Variants in GMDS observed in about 807,000 individuals in gnomAD.
GMDS encodes GDP-mannose 4,6 dehydratase.
Under a neutral mutation model 49.9 loss-of-function variants are expected in GMDS, and 20 were observed. The observed-to-expected ratio is 0.40, with a 90% CI of 0.28 to 0.58. The LOEUF is 0.58. GMDS is among the 20% of genes least tolerant of loss of function. The pLI, the probability that GMDS is intolerant of heterozygous loss-of-function variation, is 0.42. For missense variants in GMDS, 362 were observed against 481.4 expected, an observed-to-expected ratio of 0.75 and a Z score of 2.32; for synonymous variants, 177 against 178.6, an observed-to-expected ratio of 0.99 and a Z score of 0.07.
intron 1 of GMDS, among the ~76,000 whole-genome samples, chr6:2,205,059 G>GTGGCTCACA (rs908762043): frequency 2.0e-5 from 3 of 152,170 alleles, no homozygotes; most frequent in Non-Finnish European, 4.4e-5. Context: ...CATTTATTGA[G>GTGGCTCACA]CATTTGCTGT....
At chr6:1,753,184 A>G (rs1767800891) in intron 7 of GMDS, among the ~76,000 whole-genome samples, 1 of 152,220 alleles carries the variant, frequency 6.6e-6, no homozygotes, top group Non-Finnish European at 1.5e-5. Context: ...AAAGGGATGG[A>G]GGAATATTTA....
rs1383403154 is a variant in GMDS, at chr6:1,727,725, TTC to T, written c.891-1215_891-1214del. 7.9e-5 allele frequency among the ~76,000 whole-genome samples: 12 copies of T among 152,336 alleles called. No homozygotes were observed. In the East Asian group the frequency reaches 2.3e-3, roughly 29 times the overall value. On this transcript the variant is annotated intron_variant, in intron 8 of 10. Coordinates refer to ENST00000380815, the MANE Select transcript of GMDS (RefSeq NM_001500.4). The stretch of plus-strand genomic sequence containing the variant: ...TTATTTCTGATGAATCACCTGAATG[TTC>T]TGTCAAATCACTTCTTGGTAGCAAA...
At chr6:2,164,936 A>C (rs55937718) in intron 1 of GMDS, among the ~76,000 whole-genome samples, 16,725 of 152,234 alleles carry the variant, frequency 0.11, 3,041 homozygotes, top group African/African-American at 0.38. Context: ...ATGTTCAAAA[A>C]TATCATATAC....
chr6:1,844,555 A>C (rs373673165), intron 7 of GMDS, among the ~76,000 whole-genome samples: 8 of 152,350 alleles, frequency 5.3e-5, no homozygotes, highest in African/African-American at 1.4e-4. Flanking sequence ...TCAATTATAA[A>C]TAGCCTTCAT....
At chr6:1,926,237 A>G (rs1480362696) in intron 7 of GMDS, among the ~76,000 whole-genome samples, 1 of 152,198 alleles carries the variant, frequency 6.6e-6, no homozygotes, top group Non-Finnish European at 1.5e-5. Context: ...GAGATAAGGA[A>G]AGGGGTCTAA....
At chr6:1,856,482 C>CAG (rs1335077313) in intron 7 of GMDS, among the ~76,000 whole-genome samples, 2 of 152,354 alleles carry the variant, frequency 1.3e-5, no homozygotes, top group East Asian at 3.9e-4. Flanking sequence ...ATTAGCTCTT[C>CAG]AGATGGCTGA....
At chr6:1,990,147 T>C (rs1190476689) in intron 4 of GMDS, among the ~76,000 whole-genome samples, 6 of 152,106 alleles carry the variant, frequency 3.9e-5, no homozygotes, top group African/African-American at 7.2e-5. Context: ...ATATAAAAAA[T>C]TAGCCAGGCA....
chr6:1,767,843 A>G (rs920631511), intron 7 of GMDS, among the ~76,000 whole-genome samples: 11 of 152,250 alleles, frequency 7.2e-5, no homozygotes, highest in Middle Eastern at 3.4e-3. Context: ...TACAAGGGAG[A>G]GAGTTTCATT....
At chr6:2,076,377 A>G (rs949395228) in intron 4 of GMDS, among the ~76,000 whole-genome samples, 1 of 151,316 alleles carries the variant, frequency 6.6e-6, no homozygotes, top group Non-Finnish European at 1.5e-5. Flanking sequence ...TCAAGCTACC[A>G]ATGACTTTCT....
At chr6:2,127,998 G>A (rs1460979336) in intron 1 of GMDS, among the ~76,000 whole-genome samples, 1 of 152,180 alleles carries the variant, frequency 6.6e-6, no homozygotes, top group Admixed American at 6.5e-5. Flanking sequence ...ATAAAGTCCT[G>A]CCTAGGTTCA....
At chr6:1,916,737 T>C (rs1761423240) in intron 7 of GMDS, among the ~76,000 whole-genome samples, 2 of 152,182 alleles carry the variant, frequency 1.3e-5, no homozygotes, top group Non-Finnish European at 1.5e-5. Flanking sequence ...ATAATTTTAA[T>C]AGATGACTCA....
chr6:2,067,088 T>C (rs1252303412), intron 4 of GMDS, among the ~76,000 whole-genome samples: 4 of 151,434 alleles, frequency 2.6e-5, no homozygotes, highest in African/African-American at 7.3e-5. Context: ...TGCAATCAAA[T>C]TAGAACTCAG....
intron 9 of GMDS, among the ~76,000 whole-genome samples, chr6:1,654,518 C>G (rs1440726909): frequency 6.6e-6 from 1 of 152,174 alleles, no homozygotes; most frequent in Non-Finnish European, 1.5e-5. Context: ...TATGAAAAGA[C>G]AAATACTCCA....
intron 9 of GMDS, among the ~76,000 whole-genome samples, chr6:1,638,261 T>G (rs1032021395): frequency 1.3e-5 from 2 of 152,176 alleles, no homozygotes; most frequent in African/African-American, 4.8e-5. Flanking sequence ...TAAAAAAGCC[T>G]GATGCCGCCC....
At chr6:2,138,792 ACTT>A (rs1776137023) in intron 1 of GMDS, among the ~76,000 whole-genome samples, 1 of 152,166 alleles carries the variant, frequency 6.6e-6, no homozygotes, top group Admixed American at 6.5e-5. Context: ...TTGAGAAAAA[ACTT>A]CTCATCAAAT....
At chr6:2,055,994 T>C (rs1339719232) in intron 4 of GMDS, among the ~76,000 whole-genome samples, 5 of 152,144 alleles carry the variant, frequency 3.3e-5, no homozygotes, top group African/African-American at 1.2e-4. Context: ...AATTAATACA[T>C]CTAATTATTA....
intron 7 of GMDS, among the ~76,000 whole-genome samples, chr6:1,855,501 G>GA (rs765581614): frequency 3.3e-5 from 5 of 152,172 alleles, no homozygotes; most frequent in Non-Finnish European, 5.9e-5. Flanking sequence ...GCAGAGTCCA[G>GA]AATGCAGTCT....
At chr6:1,710,349 C>G (rs1561747839) in intron 9 of GMDS, among the ~76,000 whole-genome samples, 2 of 152,266 alleles carry the variant, frequency 1.3e-5, no homozygotes, top group Non-Finnish European at 2.9e-5. Flanking sequence ...AAACCAATCA[C>G]ACTGATTGAT....
At chr6:1,625,969 T>G (rs1396245093) in intron 9 of GMDS, 2 of 152,242 alleles carry the variant, frequency 1.3e-5, no homozygotes, top group Non-Finnish European at 2.9e-5. Flanking sequence ...CGTGTGAAAG[T>G]AACAGCCAGT....
Sources: allele counts gnomAD v4.1 joint callset (sites outside exome capture counted in the v4.1 genomes callset), GRCh38; gene constraint gnomAD v4.1.1; transcripts MANE v1.5; gene names NCBI Gene and HGNC (gene_info 2026-07-23, HGNC 2026-07-21).